Variants in HMGCLL1 observed in about 807,000 individuals in gnomAD.
HMGCLL1 encodes 3-hydroxy-3-methylglutaryl-CoA lyase like 1, also known as 3-hydroxymethyl-3-methylglutaryl-CoA lyase, cytoplasmic.
HMGCLL1 carries 36 observed loss-of-function variants against 39.1 expected under a neutral mutation model. The observed-to-expected ratio is 0.92, with a 90% CI of 0.71 to 1.22. The LOEUF is 1.22. HMGCLL1 is among the 50% of genes most tolerant of loss of function. The pLI, the probability that HMGCLL1 is intolerant of heterozygous loss-of-function variation, is 0.00. For synonymous variants in HMGCLL1, 149 were observed against 144.0 expected, an observed-to-expected ratio of 1.03 and a Z score of -0.25; for missense variants, 451 against 416.5, an observed-to-expected ratio of 1.08 and a Z score of -0.72.
the HMGCLL1 span, among the ~76,000 whole-genome samples, chr6:55,668,236 C>T: frequency 2.6e-5 from 4 of 151,880 alleles, no homozygotes; most frequent in South Asian, 4.1e-4. Context: ...CTGGCAAATG[C>T]CAACTTTGTT....
chr6:55,554,588 T>A (rs1052887496), intron 1 of HMGCLL1, among the ~76,000 whole-genome samples: 2 of 152,114 alleles, frequency 1.3e-5, no homozygotes, highest in Admixed American at 1.3e-4. Context: ...GTATCAGAAT[T>A]TTCAGAAACC....
At chr6:55,450,885 T>G in intron 7 of HMGCLL1, among the ~76,000 whole-genome samples, 1 of 152,318 alleles carries the variant, frequency 6.6e-6, no homozygotes, top group South Asian at 2.1e-4. Flanking sequence ...CATATATCCC[T>G]TAACAGAGAT....
intron 5 of HMGCLL1, among the ~76,000 whole-genome samples, chr6:55,503,291 A>G (rs1293417802): frequency 6.6e-6 from 1 of 151,866 alleles, no homozygotes; most frequent in Non-Finnish European, 1.5e-5. Context: ...TGCATTGGCA[A>G]AGAGGTGATG....
rs753957303 is a variant in HMGCLL1 at position 55,539,940 on chromosome 6, AGAAGGAAGGAAGGAAGGAAGGAAG to A, written c.297+1765_297+1788del. ...AAAGAAAAGGAGGATGAGGAGGAGG[AGAAGGAAGGAAGGAAGGAAGGAAG>A]GAAGGAAGGAAGGAAGGAAGGAAGG... On this transcript the variant is annotated intron_variant, in intron 3 of 8. Coordinates refer to ENST00000274901, the MANE Select transcript of HMGCLL1 (RefSeq NM_001042406.2). Among the ~76,000 whole-genome samples the A allele has an allele frequency of 5.5e-3, 315 of 57,074 alleles. 5 individuals carry two copies. Among genetic ancestry groups the A allele is most frequent in the East Asian group, 0.011 (17 of 1,568 alleles). The allele number at this position is 57,074 out of a possible 152,430, so 37.4% of individuals were successfully genotyped here. A position where few individuals can be genotyped will look rare whatever the true frequency, so the allele number is the denominator to read the frequency against.
At chr6:55,638,953 A>G in the HMGCLL1 span, among the ~76,000 whole-genome samples, 2 of 152,162 alleles carry the variant, frequency 1.3e-5, no homozygotes, top group Non-Finnish European at 2.9e-5. Flanking sequence ...TATGTGTCCT[A>G]GCAGCAGCCC....
the HMGCLL1 span, among the ~76,000 whole-genome samples, chr6:55,663,344 C>T: frequency 1.3e-5 from 2 of 151,764 alleles, no homozygotes; most frequent in African/African-American, 4.8e-5. Flanking sequence ...TCCCTCTTAA[C>T]ACTGATTTAG....
intron 7 of HMGCLL1, among the ~76,000 whole-genome samples, chr6:55,458,337 C>T (rs527487681): frequency 2.6e-5 from 4 of 152,122 alleles, no homozygotes; most frequent in African/African-American, 9.6e-5. Context: ...GGAAGAAAAA[C>T]ACTTCTAAAG....
the HMGCLL1 span, among the ~76,000 whole-genome samples, chr6:55,674,416 A>G: frequency 1.3e-5 from 2 of 151,958 alleles, no homozygotes; most frequent in East Asian, 3.9e-4. Context: ...AAGAAAAAAA[A>G]ATTTGAAAAA....
intron 3 of HMGCLL1, among the ~76,000 whole-genome samples, chr6:55,536,605 AG>A (rs1448198065): frequency 1.3e-5 from 2 of 152,156 alleles, no homozygotes; most frequent in Non-Finnish European, 2.9e-5. Flanking sequence ...CATCTGAGCG[AG>A]GGGCTATCTG....
At chr6:55,522,184 A>G (rs1412553634) in intron 3 of HMGCLL1, among the ~76,000 whole-genome samples, 2 of 151,972 alleles carry the variant, frequency 1.3e-5, no homozygotes, top group African/African-American at 4.8e-5. Flanking sequence ...TGTATGATAA[A>G]TTATTACTTT....
At chr6:55,614,007 C>CA in the HMGCLL1 span, among the ~76,000 whole-genome samples, 1 of 151,990 alleles carries the variant, frequency 6.6e-6, no homozygotes. Flanking sequence ...ATATTCTGAA[C>CA]AATAGCAAGT....
At chr6:55,597,783 T>C in the HMGCLL1 span, among the ~76,000 whole-genome samples, 3 of 152,182 alleles carry the variant, frequency 2.0e-5, no homozygotes, top group Non-Finnish European at 4.4e-5. Flanking sequence ...AATATTATTA[T>C]GGCCAGCACA....
At chr6:55,674,627 T>A in the HMGCLL1 span, among the ~76,000 whole-genome samples, 1 of 152,072 alleles carries the variant, frequency 6.6e-6, no homozygotes, top group Admixed American at 6.6e-5. Flanking sequence ...TCTGTCTTTA[T>A]GAGTCTACGC....
At chr6:55,648,122 G>A in the HMGCLL1 span, among the ~76,000 whole-genome samples, 28 of 132,696 alleles carry the variant, frequency 2.1e-4, no homozygotes, top group Admixed American at 3.9e-4. Flanking sequence ...TGGCTGCATA[G>A]TATTCCATGG....
At chr6:55,455,350 T>C (rs1011739275) in intron 7 of HMGCLL1, among the ~76,000 whole-genome samples, 2 of 148,150 alleles carry the variant, frequency 1.3e-5, no homozygotes. Context: ...GGGAAGGCTG[T>C]GAATATATAA....
At chr6:55,469,325 T>G (rs962119447) in intron 7 of HMGCLL1, among the ~76,000 whole-genome samples, 8 of 150,018 alleles carry the variant, frequency 5.3e-5, no homozygotes, top group African/African-American at 1.9e-4. Flanking sequence ...TAATATATTA[T>G]GCAGTGATCC....
intron 1 of HMGCLL1, among the ~76,000 whole-genome samples, chr6:55,568,126 T>G (rs1771302624): frequency 6.6e-6 from 1 of 152,160 alleles, no homozygotes; most frequent in African/African-American, 2.4e-5. Flanking sequence ...GGAACAACAT[T>G]TACTAATTGG....
chr6:55,461,712 A>G (rs1168524828), intron 7 of HMGCLL1, among the ~76,000 whole-genome samples: 4 of 152,126 alleles, frequency 2.6e-5, no homozygotes, highest in Non-Finnish European at 5.9e-5. Flanking sequence ...AGATATAAGC[A>G]AAGTAATAGT....
the HMGCLL1 span, among the ~76,000 whole-genome samples, chr6:55,663,822 C>A: frequency 2.6e-5 from 4 of 151,808 alleles, no homozygotes; most frequent in Non-Finnish European, 4.4e-5. Flanking sequence ...CTTTGTAGAG[C>A]TCTAAGAACT....
Sources: allele counts gnomAD v4.1 joint callset (sites outside exome capture counted in the v4.1 genomes callset), GRCh38; gene constraint gnomAD v4.1.1; transcripts MANE v1.5; gene names NCBI Gene and HGNC (gene_info 2026-07-23, HGNC 2026-07-21).